Variants in CACNA2D3 observed in about 807,000 individuals in gnomAD.
The protein encoded by CACNA2D3 is calcium voltage-gated channel auxiliary subunit alpha2delta 3, also known as voltage-dependent calcium channel subunit alpha-2/delta-3.
Under a neutral mutation model 160.6 loss-of-function variants are expected in CACNA2D3, and 60 were observed. The observed-to-expected ratio is 0.37, with a 90% CI of 0.30 to 0.46. CACNA2D3 has a LOEUF of 0.46. Ranked by LOEUF, CACNA2D3 falls within the 20% of genes least tolerant of loss-of-function variation. The probability of loss-of-function intolerance (pLI) is 1.00; values close to 1 mark genes in which losing one functional copy is unlikely to be tolerated. For missense variants in CACNA2D3, 1,205 were observed against 1,365.0 expected (o/e 0.88, Z 1.85); for synonymous variants, 558 against 492.9 (o/e 1.13, Z -1.75).
intron 3 of CACNA2D3, among the ~76,000 whole-genome samples, chr3:54,378,091 A>T (rs1172421505): frequency 6.6e-6 from 1 of 152,162 alleles, no homozygotes; most frequent in Non-Finnish European, 1.5e-5. Context: ...TTTATTCACC[A>T]CAATCAGAGG....
At chr3:54,221,611 G>T (rs1173315895) in intron 2 of CACNA2D3, among the ~76,000 whole-genome samples, 1 of 152,156 alleles carries the variant, frequency 6.6e-6, no homozygotes, top group Non-Finnish European at 1.5e-5. Flanking sequence ...TTACTAGAGA[G>T]ATTTTTGTAA....
chr3:54,760,720 C>T (rs1295770830), intron 12 of CACNA2D3, among the ~76,000 whole-genome samples: 1 of 151,916 alleles, frequency 6.6e-6, no homozygotes, highest in Admixed American at 6.6e-5. Flanking sequence ...ACCAGAAGAA[C>T]ATGCTGGTGT....
intron 2 of CACNA2D3, among the ~76,000 whole-genome samples, chr3:54,159,359 C>T (rs1384460287): frequency 6.6e-6 from 1 of 151,680 alleles, no homozygotes; most frequent in Admixed American, 6.6e-5. Flanking sequence ...ATTTTAGGTG[C>T]TTTGTCATGA....
At chr3:54,578,273 C>T (rs10510768) in intron 8 of CACNA2D3, among the ~76,000 whole-genome samples, 51,963 of 152,086 alleles carry the variant, frequency 0.34, 9,852 homozygotes, top group Non-Finnish European at 0.43. Flanking sequence ...GATTATTTCA[C>T]TAGGGATCAA....
At chr3:54,440,367 A>G (rs948891973) in intron 4 of CACNA2D3, among the ~76,000 whole-genome samples, 6 of 152,200 alleles carry the variant, frequency 3.9e-5, no homozygotes, top group Middle Eastern at 3.4e-3. Context: ...TCTATCTTCA[A>G]ACTGCTTTTA....
intron 2 of CACNA2D3, among the ~76,000 whole-genome samples, chr3:54,242,518 A>G (rs1167380092): frequency 6.6e-6 from 1 of 151,930 alleles, no homozygotes; most frequent in East Asian, 1.9e-4. Context: ...CAGCACCACC[A>G]CTCTTGTACT....
intron 2 of CACNA2D3, among the ~76,000 whole-genome samples, chr3:54,208,099 G>T (rs576955503): frequency 1.2e-4 from 18 of 152,108 alleles, no homozygotes; most frequent in Non-Finnish European, 2.1e-4. Flanking sequence ...GTTTGATCTT[G>T]TTCATGGAAC....
chr3:54,507,631 C>G (rs1391128068), intron 5 of CACNA2D3, among the ~76,000 whole-genome samples: 1 of 152,114 alleles, frequency 6.6e-6, no homozygotes, highest in Non-Finnish European at 1.5e-5. Context: ...TGGCTGATAG[C>G]AAAGAAACTT....
chr3:54,304,199 C>G (rs1703545462), intron 2 of CACNA2D3, among the ~76,000 whole-genome samples: 1 of 152,134 alleles, frequency 6.6e-6, no homozygotes, highest in Non-Finnish European at 1.5e-5. Flanking sequence ...CAGACACTGC[C>G]AAGAGTCCCT....
At chr3:54,313,152 T>C (rs1703778363) in intron 2 of CACNA2D3, among the ~76,000 whole-genome samples, 1 of 152,026 alleles carries the variant, frequency 6.6e-6, no homozygotes, top group Non-Finnish European at 1.5e-5. Flanking sequence ...CCCTGGATGA[T>C]GGACATCATC....
intron 11 of CACNA2D3, among the ~76,000 whole-genome samples, chr3:54,701,363 T>C (rs1336852118): frequency 6.6e-6 from 1 of 152,240 alleles, no homozygotes; most frequent in Non-Finnish European, 1.5e-5. Context: ...AATAGTTGTT[T>C]GTAAGGAATT....
At chr3:54,973,088 A>T (rs79750552) in intron 29 of CACNA2D3, among the ~76,000 whole-genome samples, 3,301 of 152,206 alleles carry the variant, frequency 0.022, 65 homozygotes, top group Non-Finnish European at 0.034. Flanking sequence ...TGAGGGGGTA[A>T]CATTTAAGTC....
At chr3:54,157,192 T>C (rs1390437421) in intron 2 of CACNA2D3, among the ~76,000 whole-genome samples, 1 of 152,200 alleles carries the variant, frequency 6.6e-6, no homozygotes, top group African/African-American at 2.4e-5. Flanking sequence ...AAGAGCTCTC[T>C]GGTGTCTCTT....
At chr3:54,854,563 T>C (rs948547513) in intron 17 of CACNA2D3, among the ~76,000 whole-genome samples, 14 of 151,982 alleles carry the variant, frequency 9.2e-5, no homozygotes, top group African/African-American at 3.4e-4. Context: ...ATGAATCCCC[T>C]TTGGGTGCCA....
At chr3:54,766,704 T>G (rs1372278122) in intron 13 of CACNA2D3, among the ~76,000 whole-genome samples, 2 of 152,030 alleles carry the variant, frequency 1.3e-5, no homozygotes, top group African/African-American at 4.8e-5. Flanking sequence ...TGCCCAAACA[T>G]AAGAGATTGA....
Position 54,736,140 on chromosome 3 carries a change from TAC to T in CACNA2D3, c.1168-16435_1168-16434del, listed in dbSNP as rs1215376036. ...ATATACATATATATATGTATATATA[TAC>T]ACACACACACACACACACACACAGA... On this transcript the variant is annotated intron_variant, in intron 11 of 37. Coordinates refer to ENST00000474759, the MANE Select transcript of CACNA2D3 (RefSeq NM_018398.3). Among the ~76,000 whole-genome samples the T allele has an allele frequency of 7.4e-3, 594 of 80,586 alleles. 55 individuals are homozygous for T. Among genetic ancestry groups the T allele is most frequent in the African/African-American group, 0.023 (483 of 20,930 alleles). 52.9% of individuals were successfully genotyped at this position (80,586 alleles called of 152,430 possible).
At chr3:54,504,489 A>C (rs911434907) in intron 5 of CACNA2D3, among the ~76,000 whole-genome samples, 2 of 152,166 alleles carry the variant, frequency 1.3e-5, no homozygotes, top group African/African-American at 4.8e-5. Context: ...GGCTAAATGG[A>C]ATGATGTTTA....
Position 55,073,832 on chromosome 3 carries a change from A to G in CACNA2D3, c.3156A>G (p.Pro1052=). The change falls in exon 37 of 38, where the codon CCA becomes CCG. Residue 1052 remains proline (P), a synonymous_variant. Coordinates refer to ENST00000474759, the MANE Select transcript of CACNA2D3 (RefSeq NM_018398.3). ...RLKAQKIRRR[P]ESCHGFHPEE... Reference sequence around the variant, plus strand: ...AGGCCCAGAAGATCAGAAGGCGCCCAGAATCTTGTCATGGCTTCCATCCTG... The same window carrying G: ...AGGCCCAGAAGATCAGAAGGCGCCCGGAATCTTGTCATGGCTTCCATCCTG... 2 of 1,613,848 alleles carry G rather than the reference A, an allele frequency of 1.2e-6. No homozygotes were observed. The highest frequency in any genetic ancestry group is 8.5e-7 in the Non-Finnish European group (1 of 1,179,798).
chr3:54,253,731 A>G (rs542978065), intron 2 of CACNA2D3, among the ~76,000 whole-genome samples: 7 of 152,114 alleles, frequency 4.6e-5, no homozygotes, highest in Admixed American at 4.6e-4. Context: ...GGATAGTGAA[A>G]TTGGGATAAT....
Sources: allele counts gnomAD v4.1 joint callset (sites outside exome capture counted in the v4.1 genomes callset), GRCh38; gene constraint gnomAD v4.1.1; transcripts MANE v1.5; gene names NCBI Gene and HGNC (gene_info 2026-07-23, HGNC 2026-07-21).